Variants in NRP2 observed in about 807,000 individuals in gnomAD.
NRP2 encodes neuropilin 2.
In NRP2, 52 loss-of-function variants were observed where a neutral mutation model predicts 110.4. The ratio of observed to expected loss-of-function variants is 0.47; its 90% CI spans 0.38 to 0.59. The LOEUF is 0.59. Ranked by LOEUF, NRP2 falls within the 20% of genes least tolerant of loss-of-function variation. The probability of loss-of-function intolerance (pLI) is 0.00; values close to 1 mark genes in which losing one functional copy is unlikely to be tolerated. For missense variants in NRP2, 1,049 were observed against 1,203.0 expected (o/e 0.87, Z 1.89); for synonymous variants, 508 against 468.9 (o/e 1.08, Z -1.08).
At chr2:205,697,135 A>C (rs2056446544) in intron 1 of NRP2, among the ~76,000 whole-genome samples, 1 of 152,024 alleles carries the variant, frequency 6.6e-6, no homozygotes, top group Non-Finnish European at 1.5e-5. Flanking sequence ...CACCGAATAA[A>C]ATGAAGGATT....
rs186870148 is a variant in NRP2, at chr2:205,738,331, C to T, written c.1147-2188C>T. Among the ~76,000 whole-genome samples, 207 of 152,300 alleles carry T rather than the reference C, an allele frequency of 1.4e-3. 1 individual carries two copies. The highest frequency in any genetic ancestry group is 0.013 in the Admixed American group (197 of 15,304). ...CAGTGGAGGCCCCCCTGCTGCTGCT[C>T]ACAACACCCATCCGAAATAAGCAAA... On this transcript the variant is annotated intron_variant, in intron 7 of 16. Coordinates refer to ENST00000357785, the MANE Select transcript of NRP2 (RefSeq NM_003872.3).
At chr2:205,703,519 A>G (rs1189302098) in intron 2 of NRP2, among the ~76,000 whole-genome samples, 2 of 152,346 alleles carry the variant, frequency 1.3e-5, no homozygotes, top group East Asian at 1.9e-4. Flanking sequence ...TTGAAGCCAG[A>G]TACCCTAGTT....
intron 11 of NRP2, among the ~76,000 whole-genome samples, chr2:205,750,251 A>C (rs560218804): frequency 6.6e-6 from 1 of 152,234 alleles, no homozygotes; most frequent in Non-Finnish European, 1.5e-5. Context: ...AAGTGAAGAT[A>C]CGGCAGTCAT....
intron 1 of NRP2, among the ~76,000 whole-genome samples, chr2:205,690,496 G>A (rs1344419484): frequency 3.3e-5 from 5 of 151,904 alleles, no homozygotes; most frequent in Non-Finnish European, 2.9e-5. Flanking sequence ...AGCACTTTGG[G>A]AGGAGGAGGT....
intron 12 of NRP2, among the ~76,000 whole-genome samples, chr2:205,758,420 T>C (rs905242671): frequency 5.3e-5 from 8 of 152,220 alleles, no homozygotes; most frequent in Non-Finnish European, 1.0e-4. Context: ...ATTCCATTGC[T>C]GTTGGGCCAG....
In NRP2 at chr2:205,796,092, G is replaced by A. The variant is rs1468249636; in HGVS notation, c.*1034G>A. On this transcript the variant is annotated 3_prime_UTR_variant, in exon 17 of 17. Transcript: ENST00000357785. ...ATTGGTATGTTCTCCCCATCAGCGA[G>A]TTATTGTAACTGGTCACCACTGGAC... 6.6e-6 allele frequency: 1 copy of A among 152,210 alleles called. No individual in the cohort carries two copies. The highest frequency in any genetic ancestry group is 1.5e-5 in the Non-Finnish European group (1 of 68,042). The allele number at this position is 152,210 out of a possible 1,614,324, so 9.4% of individuals were successfully genotyped here.
At chr2:205,776,121 T>C (rs1323458982) in intron 15 of NRP2, 1 of 935,388 alleles carries the variant, frequency 1.1e-6, no homozygotes, top group Non-Finnish European at 1.7e-6. Flanking sequence ...AGTACCACCT[T>C]AGTCCCCCAG....
intron 12 of NRP2, among the ~76,000 whole-genome samples, chr2:205,753,208 G>A (rs553705275): frequency 3.3e-5 from 5 of 152,278 alleles, no homozygotes; most frequent in South Asian, 2.1e-4. Flanking sequence ...AGGGAGAAGC[G>A]GAAGCCAAGA....
intron 9 of NRP2, among the ~76,000 whole-genome samples, chr2:205,745,282 T>C (rs1483714968): frequency 6.6e-6 from 1 of 152,206 alleles, no homozygotes; most frequent in Non-Finnish European, 1.5e-5. Context: ...CTCAGTGAGC[T>C]AGGAACTATC....
intron 1 of NRP2, among the ~76,000 whole-genome samples, chr2:205,690,187 G>A (rs1309352310): frequency 1.3e-5 from 2 of 152,116 alleles, no homozygotes; most frequent in Non-Finnish European, 2.9e-5. Flanking sequence ...TTGGATACAG[G>A]AGAAAAAATA....
intron 2 of NRP2, among the ~76,000 whole-genome samples, chr2:205,708,990 C>T (rs2056743514): frequency 6.6e-6 from 1 of 152,216 alleles, no homozygotes; most frequent in Non-Finnish European, 1.5e-5. Context: ...GCAGTAACAA[C>T]AAATGGCTAT....
intron 15 of NRP2, among the ~76,000 whole-genome samples, chr2:205,775,486 C>T (rs2058084143): frequency 6.6e-6 from 1 of 152,316 alleles, no homozygotes; most frequent in African/African-American, 2.4e-5. Context: ...CTCACATACC[C>T]TCTGTCATTT....
chr2:205,749,142 G>A (rs2057594498), intron 10 of NRP2, among the ~76,000 whole-genome samples: 1 of 152,218 alleles, frequency 6.6e-6, no homozygotes. Context: ...GCCAGTCATG[G>A]AGGCCACCTT....
At chr2:205,712,759 C>T (rs769571392) in intron 2 of NRP2, among the ~76,000 whole-genome samples, 4 of 152,158 alleles carry the variant, frequency 2.6e-5, no homozygotes, top group Non-Finnish European at 5.9e-5. Context: ...GGCTTGTCCA[C>T]AGGGCAGAAC....
intron 7 of NRP2, among the ~76,000 whole-genome samples, chr2:205,739,256 A>C (rs115730631): frequency 1.2e-4 from 19 of 152,126 alleles, no homozygotes; most frequent in African/African-American, 2.4e-5. Context: ...AAACCTAAAA[A>C]CTTGGCAAGG....
chr2:205,721,237 G>A (rs1166599851), intron 3 of NRP2, among the ~76,000 whole-genome samples: 1 of 152,136 alleles, frequency 6.6e-6, no homozygotes, highest in African/African-American at 2.4e-5. Context: ...ATTTCAGTGT[G>A]AGCCCCAGAG....
intron 1 of NRP2, among the ~76,000 whole-genome samples, chr2:205,693,480 T>A (rs2056355305): frequency 6.6e-6 from 1 of 152,120 alleles, no homozygotes; most frequent in African/African-American, 2.4e-5. Context: ...GAGCTCCCTT[T>A]TATGTTCTTT....
At chr2:205,764,850 G>A (rs935359295) in intron 13 of NRP2, among the ~76,000 whole-genome samples, 1 of 152,154 alleles carries the variant, frequency 6.6e-6, no homozygotes, top group Admixed American at 6.5e-5. Context: ...GTTTGCATTT[G>A]TGTCTCAGCC....
intron 1 of NRP2, among the ~76,000 whole-genome samples, chr2:205,684,884 C>T (rs1195705995): frequency 1.3e-5 from 2 of 152,230 alleles, no homozygotes; most frequent in African/African-American, 4.8e-5. Flanking sequence ...CACGCGCGCG[C>T]GCCGTGAGGA....
Sources: gnomAD v4.1 joint callset for allele counts (sites outside exome capture counted in the v4.1 genomes callset) on GRCh38, gnomAD v4.1.1 for gene constraint, MANE v1.5 for transcripts, NCBI Gene and HGNC (gene_info 2026-07-23, HGNC 2026-07-21) for gene names.